Variants in PLEKHA5 observed in about 807,000 individuals in gnomAD.
The protein encoded by PLEKHA5 is pleckstrin homology domain-containing family A member 5.
PLEKHA5 carries 55 observed loss-of-function variants against 181.9 expected under a neutral mutation model. That is an observed-to-expected ratio of 0.30 (90% confidence interval 0.24 to 0.38). The LOEUF (loss-of-function observed/expected upper bound fraction) is 0.38. Among genes scored for constraint, PLEKHA5 ranks in the 10% least tolerant of loss-of-function variants. The pLI is 1.00. For missense variants in PLEKHA5, 1,432 were observed against 1,549.5 expected (o/e 0.92, Z 1.27); for synonymous variants, 535 against 529.4 (o/e 1.01, Z -0.15).
intron 13 of PLEKHA5, among the ~76,000 whole-genome samples, chr12:19,290,068 G>A (rs188592831): frequency 0.01 from 1,561 of 151,854 alleles, 26 homozygotes; most frequent in African/African-American, 0.036. Flanking sequence ...TCAGCCTCCC[G>A]AGTAGCTGGG....
intron 7 of PLEKHA5, among the ~76,000 whole-genome samples, chr12:19,263,158 T>C (rs1255113706): frequency 6.6e-6 from 1 of 151,018 alleles, no homozygotes; most frequent in Admixed American, 6.6e-5. Flanking sequence ...TTCAGTGAGA[T>C]CATAATAGCC....
At chr12:19,142,376 AT>A (rs1263102111) in intron 3 of PLEKHA5, among the ~76,000 whole-genome samples, 1 of 152,116 alleles carries the variant, frequency 6.6e-6, no homozygotes, top group East Asian at 1.9e-4. Context: ...CTCTAAAAAA[AT>A]TTTTTTAAAA....
chr12:19,371,237 G>GCTTGAGC (rs2095568518), intron 31 of PLEKHA5: 3 of 152,376 alleles, frequency 2.0e-5, no homozygotes, highest in African/African-American at 7.2e-5. Flanking sequence ...AAGCTCCTGA[G>GCTTGAGC]CTCAAGTGAT....
At chr12:19,141,057 G>A (rs987048940) in intron 3 of PLEKHA5, among the ~76,000 whole-genome samples, 3 of 152,126 alleles carry the variant, frequency 2.0e-5, no homozygotes, top group Non-Finnish European at 4.4e-5. Context: ...GCCTTCCAAA[G>A]TGCTGGGATT....
At chr12:19,280,025 C>G (rs889382360) in intron 11 of PLEKHA5, among the ~76,000 whole-genome samples, 2 of 140,580 alleles carry the variant, frequency 1.4e-5, no homozygotes, top group African/African-American at 5.2e-5. Flanking sequence ...TAATTCATCA[C>G]AATGAAACCT....
chr12:19,313,808 C>T (rs1592451437), intron 15 of PLEKHA5, among the ~76,000 whole-genome samples: 2 of 152,116 alleles, frequency 1.3e-5, no homozygotes, highest in African/African-American at 4.8e-5. Context: ...GGCAATTAGA[C>T]TGAAAATATA....
At chr12:19,150,409 A>G (rs1334390350) in intron 3 of PLEKHA5, 2 of 152,210 alleles carry the variant, frequency 1.3e-5, no homozygotes, top group Non-Finnish European at 2.9e-5. Flanking sequence ...GCCCACACCC[A>G]AAACCCACTG....
chr12:19,369,867 A>C, intron 31 of PLEKHA5, 69 bp downstream of exon 31: 1 of 906,910 alleles, frequency 1.1e-6, no homozygotes, highest in South Asian at 1.6e-5. Context: ...CTGTTGGTTT[A>C]GTGAATCAAA....
intron 3 of PLEKHA5, among the ~76,000 whole-genome samples, chr12:19,143,709 A>T (rs1197111614): frequency 6.6e-6 from 1 of 152,120 alleles, no homozygotes; most frequent in African/African-American, 2.4e-5. Flanking sequence ...ATGTATATAT[A>T]TTTTTAAAGA....
At chr12:19,369,560 A>G (rs57357758) in intron 30 of PLEKHA5, 133 bp from the exon 31 acceptor site, 112,875 of 484,432 alleles carry the variant, frequency 0.23, 12,314 homozygotes, top group South Asian at 0.33. Flanking sequence ...AAAAATCACA[A>G]TAGAACCAAA....
At chr12:19,217,361 A>T (rs1209449323) in intron 3 of PLEKHA5, among the ~76,000 whole-genome samples, 1 of 152,198 alleles carries the variant, frequency 6.6e-6, no homozygotes, top group African/African-American at 2.4e-5. Flanking sequence ...AATTGCAGAA[A>T]TATTTAGGCA....
At chr12:19,227,633 G>T (rs2059884120) in intron 3 of PLEKHA5, among the ~76,000 whole-genome samples, 1 of 152,074 alleles carries the variant, frequency 6.6e-6, no homozygotes, top group Non-Finnish European at 1.5e-5. Context: ...ATTTCCTAAG[G>T]TCCCCCACCT....
chr12:19,338,228 G>A (rs575380690), intron 21 of PLEKHA5, among the ~76,000 whole-genome samples: 12 of 152,014 alleles, frequency 7.9e-5, no homozygotes, highest in Non-Finnish European at 1.6e-4. Flanking sequence ...ATTGAATCAG[G>A]GTTTTGTTCT....
chr12:19,347,882 C>CTTTTT (rs527719770), intron 24 of PLEKHA5, among the ~76,000 whole-genome samples: 5 of 119,810 alleles, frequency 4.2e-5, no homozygotes, highest in African/African-American at 6.3e-5. Flanking sequence ...CAGAAATATT[C>CTTTTT]TTTTTTTTTT....
rs779549122 is a variant in PLEKHA5 at position 19,254,020 on chromosome 12, A to G, written c.308A>G (p.Glu103Gly). 2 of 1,571,730 alleles carry G rather than the reference A, an allele frequency of 1.3e-6. No homozygotes were observed. Among genetic ancestry groups the G allele is most frequent in the African/African-American group, 1.4e-5 (1 of 73,936 alleles). ...SQDNCIFVVN[E>G]QTVATMTSEE... ...GACAATTGTATTTTTGTAGTGAATG[A>G]ACAGTAAGTAAAGAGTTTCATGGAA... The change falls in exon 4 of 32, where the codon GAA becomes GGA. Residue 103 changes from glutamate to glycine, a missense_variant. Glu to Gly is a moderately conservative substitution (Grantham distance 98). Transcript: ENST00000429027.
At chr12:19,225,538 G>T (rs2059576483) in intron 3 of PLEKHA5, among the ~76,000 whole-genome samples, 1 of 152,122 alleles carries the variant, frequency 6.6e-6, no homozygotes, top group African/African-American at 2.4e-5. Context: ...GCCTTCTAGA[G>T]AGGACCACTC....
At chr12:19,152,994 T>G (rs1438652231) in intron 3 of PLEKHA5, 1 of 29,580 alleles carries the variant, frequency 3.4e-5, no homozygotes, top group Non-Finnish European at 2.7e-4. Context: ...TTAACACAGG[T>G]TTTTTGTTTT....
intron 15 of PLEKHA5, among the ~76,000 whole-genome samples, chr12:19,311,583 T>C (rs1301225197): frequency 4.6e-5 from 7 of 152,210 alleles, no homozygotes; most frequent in East Asian, 1.9e-4. Flanking sequence ...GTAGATTTTA[T>C]CTCAAGAAAC....
chr12:19,155,141 A>C (rs1223032626), intron 3 of PLEKHA5, among the ~76,000 whole-genome samples: 1 of 152,206 alleles, frequency 6.6e-6, no homozygotes, highest in Non-Finnish European at 1.5e-5. Context: ...TTATTCAAAA[A>C]ACGTACATAG....
Sources: allele counts gnomAD v4.1 joint callset (sites outside exome capture counted in the v4.1 genomes callset), GRCh38; gene constraint gnomAD v4.1.1; transcripts MANE v1.5; gene names NCBI Gene and HGNC (gene_info 2026-07-23, HGNC 2026-07-21).